HS6ST3: variants seen among roughly 807,000 people sequenced by gnomAD.
HS6ST3 encodes the protein heparan-sulfate 6-O-sulfotransferase 3.
In HS6ST3, 12 loss-of-function variants were observed where a neutral mutation model predicts 36.7. The observed-to-expected ratio is 0.33, with a 90% CI of 0.21 to 0.53. HS6ST3 has a LOEUF of 0.53. Among genes scored for constraint, HS6ST3 ranks in the 20% least tolerant of loss-of-function variants. The pLI, the probability that HS6ST3 is intolerant of heterozygous loss-of-function variation, is 0.95. For missense variants in HS6ST3, 584 were observed against 640.9 expected (o/e 0.91, Z 0.96); for synonymous variants, 240 against 257.5 (o/e 0.93, Z 0.65).
At chr13:96,228,855 G>C (rs1371149843) in intron 1 of HS6ST3, among the ~76,000 whole-genome samples, 1 of 152,108 alleles carries the variant, frequency 6.6e-6, no homozygotes, top group Non-Finnish European at 1.5e-5. Context: ...CTAATTCTCT[G>C]GCCAGCCCCA....
intron 1 of HS6ST3, among the ~76,000 whole-genome samples, chr13:96,325,641 G>T (rs1275039486): frequency 6.6e-6 from 1 of 152,062 alleles, no homozygotes; most frequent in Non-Finnish European, 1.5e-5. Flanking sequence ...CAAGGATTTT[G>T]GTATCCTTGG....
At chr13:96,150,913 T>C (rs570759306) in intron 1 of HS6ST3, among the ~76,000 whole-genome samples, 1 of 152,350 alleles carries the variant, frequency 6.6e-6, no homozygotes, top group African/African-American at 2.4e-5. Context: ...TGAATAAACA[T>C]ATATGTCTAT....
chr13:96,239,671 T>C (rs1594727561), intron 1 of HS6ST3, among the ~76,000 whole-genome samples: 3 of 152,326 alleles, frequency 2.0e-5, no homozygotes, highest in East Asian at 3.9e-4. Flanking sequence ...ATGAATATTA[T>C]CACACAAAGA....
At chr13:96,278,991 C>T (rs2139392569) in intron 1 of HS6ST3, among the ~76,000 whole-genome samples, 1 of 152,194 alleles carries the variant, frequency 6.6e-6, no homozygotes, top group East Asian at 1.9e-4. Context: ...CTGTGTCAGC[C>T]CTCATGGAGG....
chr13:96,666,079 T>C (rs981457879), intron 1 of HS6ST3, among the ~76,000 whole-genome samples: 6 of 152,258 alleles, frequency 3.9e-5, no homozygotes, highest in Admixed American at 2.6e-4. Context: ...TCAGCATGAC[T>C]GGGGAAGCTC....
At chr13:96,488,674 T>C (rs760507516) in intron 1 of HS6ST3, among the ~76,000 whole-genome samples, 3 of 152,100 alleles carry the variant, frequency 2.0e-5, no homozygotes, top group Non-Finnish European at 4.4e-5. Context: ...ATGAAATCTT[T>C]TGTCAGTCAA....
intron 1 of HS6ST3, among the ~76,000 whole-genome samples, chr13:96,650,863 A>G (rs1048244373): frequency 4.6e-5 from 7 of 152,062 alleles, no homozygotes; most frequent in Non-Finnish European, 1.0e-4. Flanking sequence ...CCTTCCATTC[A>G]TTCTGTCCAT....
chr13:96,818,299 G>A (rs899104832), intron 1 of HS6ST3, among the ~76,000 whole-genome samples: 2 of 152,234 alleles, frequency 1.3e-5, no homozygotes, highest in Non-Finnish European at 2.9e-5. Flanking sequence ...GCAGCTGAAA[G>A]ATCCCATTGA....
intron 1 of HS6ST3, among the ~76,000 whole-genome samples, chr13:96,369,899 A>C (rs1372352183): frequency 6.6e-6 from 1 of 151,874 alleles, no homozygotes; most frequent in Non-Finnish European, 1.5e-5. Context: ...TTTTTTTTTA[A>C]GTTTTAGTAG....
At chr13:96,113,850 T>A (rs568221156) in intron 1 of HS6ST3, among the ~76,000 whole-genome samples, 1 of 152,130 alleles carries the variant, frequency 6.6e-6, no homozygotes, top group African/African-American at 2.4e-5. Context: ...TTATTTATAA[T>A]GGCAAAAAGT....
At chr13:96,594,649 T>C (rs2056395120) in intron 1 of HS6ST3, among the ~76,000 whole-genome samples, 1 of 152,200 alleles carries the variant, frequency 6.6e-6, no homozygotes. Flanking sequence ...ATTTTTAATG[T>C]CACGATTTAT....
chr13:96,822,307 C>G (rs1878552069), intron 1 of HS6ST3, among the ~76,000 whole-genome samples: 1 of 152,186 alleles, frequency 6.6e-6, no homozygotes, highest in Non-Finnish European at 1.5e-5. Flanking sequence ...CAGCGCAAAG[C>G]AGGGCGCCTC....
intron 1 of HS6ST3, among the ~76,000 whole-genome samples, chr13:96,468,707 A>G (rs545806557): frequency 4.4e-4 from 67 of 152,332 alleles, no homozygotes; most frequent in Middle Eastern, 6.8e-3. Context: ...TACGTATCCT[A>G]TAGAGCCTTG....
chr13:96,770,102 G>A (rs1355445439), intron 1 of HS6ST3, among the ~76,000 whole-genome samples: 1 of 152,086 alleles, frequency 6.6e-6, no homozygotes, highest in African/African-American at 2.4e-5. Context: ...CTTTGTTATG[G>A]CTATTAGGGA....
intron 1 of HS6ST3, among the ~76,000 whole-genome samples, chr13:96,152,474 A>T (rs912188192): frequency 1.3e-5 from 2 of 151,850 alleles, no homozygotes; most frequent in Admixed American, 1.3e-4. Flanking sequence ...AGTAGCTGGG[A>T]CTACAGGCGC....
chr13:96,730,467 A>G (rs1189460475), intron 1 of HS6ST3, among the ~76,000 whole-genome samples: 1 of 152,130 alleles, frequency 6.6e-6, no homozygotes, highest in Admixed American at 6.5e-5. Context: ...GGCTTTATTC[A>G]GTTGTATTTG....
chr13:96,452,093 A>C (rs1324231565), intron 1 of HS6ST3, among the ~76,000 whole-genome samples: 1 of 152,220 alleles, frequency 6.6e-6, no homozygotes, highest in Non-Finnish European at 1.5e-5. Context: ...TTCACATTGC[A>C]ATGAACATAA....
chr13:96,161,386 G>A (rs1440692968), intron 1 of HS6ST3, among the ~76,000 whole-genome samples: 3 of 152,192 alleles, frequency 2.0e-5, no homozygotes, highest in Non-Finnish European at 4.4e-5. Flanking sequence ...TGTCAGCAAA[G>A]GCGGGAAACG....
intron 1 of HS6ST3, among the ~76,000 whole-genome samples, chr13:96,350,888 T>C (rs1260908799): frequency 6.6e-6 from 1 of 152,218 alleles, no homozygotes; most frequent in African/African-American, 2.4e-5. Context: ...CATTGCTTCC[T>C]GTCCATCCAA....
Sources: gnomAD v4.1 joint callset for allele counts (sites outside exome capture counted in the v4.1 genomes callset) on GRCh38, gnomAD v4.1.1 for gene constraint, MANE v1.5 for transcripts, NCBI Gene and HGNC (gene_info 2026-07-23, HGNC 2026-07-21) for gene names.